Variants in CLN6 observed in about 807,000 individuals in gnomAD.
CLN6 encodes ceroid-lipofuscinosis neuronal protein 6.
Under a neutral mutation model 33.3 loss-of-function variants are expected in CLN6, and 22 were observed. The ratio of observed to expected loss-of-function variants is 0.66; its 90% CI spans 0.47 to 0.94. The LOEUF (loss-of-function observed/expected upper bound fraction) is 0.94. CLN6 is among the 40% of genes least tolerant of loss of function. The probability of loss-of-function intolerance (pLI) is 0.00; values close to 1 mark genes in which losing one functional copy is unlikely to be tolerated. For missense variants in CLN6, 387 were observed against 417.1 expected, an observed-to-expected ratio of 0.93 and a Z score of 0.63; for synonymous variants, 201 against 174.6, an observed-to-expected ratio of 1.15 and a Z score of -1.19.
chr15:68,214,478 C>T lies in CLN6; in HGVS notation c.199-90G>A, dbSNP rs548617407. The T allele has an allele frequency of 1.4e-5, 12 of 837,820 alleles. No individual in the cohort carries two copies. In the African/African-American group the frequency reaches 2.0e-4, roughly 14 times the overall value. The allele number at this position is 837,820 out of a possible 1,614,324, so 51.9% of individuals were successfully genotyped here. A position where few individuals can be genotyped will look rare whatever the true frequency, so the allele number is the denominator to read the frequency against. On this transcript the variant is annotated intron_variant, in intron 2 of 6. Coordinates refer to ENST00000249806, the MANE Select transcript of CLN6 (RefSeq NM_017882.3). ...GGAGTCTGCCCCTAATGCCGCCCACCCCAACTCCTTTCACCCCCCACCCCA... is the reference window on the plus strand; with the variant it reads ...GGAGTCTGCCCCTAATGCCGCCCACTCCAACTCCTTTCACCCCCCACCCCA...
intron 1 of CLN6, among the ~76,000 whole-genome samples, chr15:68,253,385 T>C (rs371490021): frequency 6.6e-6 from 1 of 152,226 alleles, no homozygotes; most frequent in East Asian, 1.9e-4. Context: ...TAGAAGTGTT[T>C]CTGTTTGAAT....
At chr15:68,222,661 C>T (rs973244605) in intron 1 of CLN6, among the ~76,000 whole-genome samples, 12 of 152,090 alleles carry the variant, frequency 7.9e-5, no homozygotes, top group African/African-American at 2.2e-4. Context: ...GCCATGATGA[C>T]GATGGCAGTT....
chr15:68,211,389 G>C lies in CLN6; in HGVS notation c.487-71C>G. The C allele has an allele frequency of 1.3e-6, 2 of 1,572,304 alleles. No homozygotes were observed. The highest frequency in any genetic ancestry group is 1.8e-6 in the Non-Finnish European group (2 of 1,142,832). Reference sequence around the variant, plus strand: ...GTCCAGGGAGGTGCTGGGGCCCCAAGCATCCCCTCTGACCACCCTTCTCCC... The same window carrying C: ...GTCCAGGGAGGTGCTGGGGCCCCAACCATCCCCTCTGACCACCCTTCTCCC... On this transcript the variant is annotated intron_variant, in intron 4 of 6. Coordinates refer to ENST00000249806, the MANE Select transcript of CLN6 (RefSeq NM_017882.3). The surrounding 1 kb of genome is among the most constrained non-coding windows in gnomAD (Gnocchi z 5.9).
Position 68,209,852 on chromosome 15 carries a change from C to G in CLN6, c.543-93G>C. On this transcript the variant is annotated intron_variant, in intron 5 of 6. Transcript: ENST00000249806. The surrounding 1 kb of genome is among the most constrained non-coding windows in gnomAD (Gnocchi z 4.9). ...ACTCCCATGGGGTCTCATGGAGTGCCACGTCACAGTTTACAAAACGCCTAG... is the reference window on the plus strand; with the variant it reads ...ACTCCCATGGGGTCTCATGGAGTGCGACGTCACAGTTTACAAAACGCCTAG... 1 of 1,553,828 alleles carries G rather than the reference C, an allele frequency of 6.4e-7. No homozygotes were observed.
Position 68,256,626 on chromosome 15 carries a change from GC to G in CLN6, c.179+63del. On this transcript the variant is annotated intron_variant, in intron 1 of 6. Coordinates refer to the CLN6 transcript ENST00000538696. This position sits in a 1 kb window ranked among gnomAD's most constrained non-coding sequence, Gnocchi z 4.1. ...GGTGTGGGCAGTGCAGTCGCACAGG[GC>G]CCCACGTTCAGAAGGGCTTCGCCCT... The G allele has an allele frequency of 3.4e-6, 2 of 592,918 alleles. No homozygotes were observed. Among genetic ancestry groups the G allele is most frequent in the South Asian group, 4.1e-5 (2 of 48,724 alleles). 36.7% of individuals were successfully genotyped at this position (592,918 alleles called of 1,614,324 possible). A position where few individuals can be genotyped will look rare whatever the true frequency, so the allele number is the denominator to read the frequency against.
In CLN6 at chr15:68,210,226, C is replaced by T. The variant is rs550236354; in HGVS notation, c.543-467G>A. Among the ~76,000 whole-genome samples the T allele has an allele frequency of 1.3e-5, 2 of 151,492 alleles. No homozygotes were observed. Among genetic ancestry groups the T allele is most frequent in the African/African-American group, 4.9e-5 (2 of 41,220 alleles). On this transcript the variant is annotated intron_variant, in intron 5 of 6. Transcript: ENST00000249806. The surrounding 1 kb of genome is among the most constrained non-coding windows in gnomAD (Gnocchi z 5.6). ...CACAGCCCCACCCCCACCTCAGACACCTCACCCCAAAATACTACCCTCTCC... is the reference window on the plus strand; with the variant it reads ...CACAGCCCCACCCCCACCTCAGACATCTCACCCCAAAATACTACCCTCTCC...
intron 1 of CLN6, among the ~76,000 whole-genome samples, chr15:68,239,583 T>C (rs1028675789): frequency 6.6e-6 from 1 of 152,168 alleles, no homozygotes; most frequent in African/African-American, 2.4e-5. Flanking sequence ...AAGTTGTGGG[T>C]ACCTACTAAA....
At chr15:68,225,847 C>A (rs905245149) in intron 1 of CLN6, among the ~76,000 whole-genome samples, 6 of 151,522 alleles carry the variant, frequency 4.0e-5, no homozygotes, top group Non-Finnish European at 8.8e-5. Flanking sequence ...ATGGTGGGCA[C>A]CTGTAATCCC....
chr15:68,240,024 A>C (rs1308150017), intron 1 of CLN6, among the ~76,000 whole-genome samples: 3 of 152,214 alleles, frequency 2.0e-5, no homozygotes, highest in African/African-American at 7.2e-5. Context: ...AAGTCAAGTA[A>C]GGAATCATAA....
chr15:68,219,448 A>C lies in CLN6; in HGVS notation c.84-798T>G, dbSNP rs909663650. On this transcript the variant is annotated intron_variant, in intron 1 of 6. Coordinates refer to ENST00000249806, the MANE Select transcript of CLN6 (RefSeq NM_017882.3). This position sits in a 1 kb window ranked among gnomAD's most constrained non-coding sequence, Gnocchi z 4.2. Reference sequence around the variant, plus strand: ...GAGCCAGCAGAAGCAAGGTGATGTGAGAGACACAGCAGGAAGTGGAGTACT... The same window carrying C: ...GAGCCAGCAGAAGCAAGGTGATGTGCGAGACACAGCAGGAAGTGGAGTACT... Among the ~76,000 whole-genome samples the C allele has an allele frequency of 6.6e-6, 1 of 152,178 alleles. No individual in the cohort carries two copies. The highest frequency in any genetic ancestry group is 1.5e-5 in the Non-Finnish European group (1 of 68,034).
At chr15:68,238,828 C>A (rs1429052568) in intron 1 of CLN6, among the ~76,000 whole-genome samples, 1 of 152,062 alleles carries the variant, frequency 6.6e-6, no homozygotes, top group Middle Eastern at 3.2e-3. Context: ...GAATGATGAG[C>A]AAATCAATTA....
rs1435804052 is a variant in CLN6 at position 68,228,631 on chromosome 15, C to T, written c.83+871G>A. On this transcript the variant is annotated intron_variant, in intron 1 of 6. Transcript: ENST00000249806. This position sits in a 1 kb window ranked among gnomAD's most constrained non-coding sequence, Gnocchi z 4.4. Reference sequence around the variant, plus strand: ...CCCACTGTTTCCCTGGATGGAACAGCCTGTCTTCCCTGGGTCCCCTACCAA... The same window carrying T: ...CCCACTGTTTCCCTGGATGGAACAGTCTGTCTTCCCTGGGTCCCCTACCAA... 6.6e-6 allele frequency among the ~76,000 whole-genome samples: 1 copy of T among 152,178 alleles called. No homozygotes were observed.
Position 68,246,012 on chromosome 15 carries a change from G to A in CLN6, c.179+10678C>T, listed in dbSNP as rs1472799061. Among the ~76,000 whole-genome samples the A allele has an allele frequency of 6.6e-6, 1 of 152,114 alleles. No individual in the cohort carries two copies. The highest frequency in any genetic ancestry group is 2.4e-5 in the African/African-American group (1 of 41,394). On this transcript the variant is annotated intron_variant, in intron 1 of 6. Coordinates refer to the CLN6 transcript ENST00000538696. The surrounding 1 kb of genome is among the most constrained non-coding windows in gnomAD (Gnocchi z 4.5). Reference sequence around the variant, plus strand: ...GATAAAGGGGTCAGTTTAGCAAGAGGATATAACAATTATAAGTATCTATGC... The same window carrying A: ...GATAAAGGGGTCAGTTTAGCAAGAGAATATAACAATTATAAGTATCTATGC...
chr15:68,223,600 C>CAT (rs1164352462), intron 1 of CLN6, among the ~76,000 whole-genome samples: 2 of 152,180 alleles, frequency 1.3e-5, no homozygotes, highest in East Asian at 3.8e-4. Context: ...ATTTTGGAAG[C>CAT]ATGAACACTT....
intron 1 of CLN6, among the ~76,000 whole-genome samples, chr15:68,250,276 A>T (rs1892365242): frequency 1.3e-5 from 2 of 152,152 alleles, no homozygotes; most frequent in African/African-American, 4.8e-5. Context: ...GAAGAAAAGA[A>T]AGCCCAAGTA....
upstream of CLN6, among the ~76,000 whole-genome samples, chr15:68,232,825 T>G (rs1052569199): frequency 2.0e-5 from 3 of 152,118 alleles, no homozygotes; most frequent in Admixed American, 2.0e-4. This position sits in a 1 kb window ranked among gnomAD's most constrained non-coding sequence, Gnocchi z 4.7. Context: ...GTGGACCACG[T>G]GAGGTCAGGA....
At chr15:68,224,406 G>A (rs1303220825) in intron 1 of CLN6, among the ~76,000 whole-genome samples, 1 of 151,452 alleles carries the variant, frequency 6.6e-6, no homozygotes, top group Non-Finnish European at 1.5e-5. Context: ...CAGATCACAT[G>A]AGGCCAGGCA....
chr15:68,218,145 A>G (rs2093225589), intron 2 of CLN6: 2 of 247,844 alleles, frequency 8.1e-6, no homozygotes, highest in South Asian at 5.3e-5. Context: ...ATCCCAAGGT[A>G]ATGGGGAAGG....
Position 68,209,885 on chromosome 15 carries a change from G to A in CLN6, c.543-126C>T. The A allele has an allele frequency of 1.5e-6, 2 of 1,332,566 alleles. No homozygotes were observed. Among genetic ancestry groups the A allele is most frequent in the Non-Finnish European group, 2.1e-6 (2 of 944,124 alleles). The allele number at this position is 1,332,566 out of a possible 1,614,324, so 82.5% of individuals were successfully genotyped here. On this transcript the variant is annotated intron_variant, in intron 5 of 6. Coordinates refer to ENST00000249806, the MANE Select transcript of CLN6 (RefSeq NM_017882.3). The surrounding 1 kb of genome is among the most constrained non-coding windows in gnomAD (Gnocchi z 4.9). ...AGTTTACAAAACGCCTAGCCTGGGT[G>A]AGAGGCGCTCCTCTCCACCCAACCT...
Sources: allele counts gnomAD v4.1 joint callset (sites outside exome capture counted in the v4.1 genomes callset), GRCh38; gene constraint gnomAD v4.1.1; non-coding constraint Gnocchi (gnomAD v3.1); transcripts MANE v1.5; gene names NCBI Gene and HGNC (gene_info 2026-07-23, HGNC 2026-07-21).